The following CCDC88A variants were observed in gnomAD, a reference collection of about 807,000 sequenced individuals.
CCDC88A encodes girdin.
A neutral mutation model predicts 234.3 loss-of-function variants in CCDC88A; 54 were observed. The observed-to-expected ratio is 0.23, with a 90% CI of 0.19 to 0.29. CCDC88A has a LOEUF of 0.29. Among genes scored for constraint, CCDC88A ranks in the 10% least tolerant of loss-of-function variants. CCDC88A has a pLI of 1.00. For missense variants in CCDC88A, 1,832 were observed against 2,123.4 expected (o/e 0.86, Z 2.70); for synonymous variants, 753 against 737.8 (o/e 1.02, Z -0.33).
chr2:55,365,352 G>C (rs1671810871), intron 5 of CCDC88A, among the ~76,000 whole-genome samples: 1 of 152,036 alleles, frequency 6.6e-6, no homozygotes, highest in African/African-American at 2.4e-5. Flanking sequence ...TTCAGGTATA[G>C]TAACATCAAT....
intron 2 of CCDC88A, among the ~76,000 whole-genome samples, chr2:55,402,877 T>C (rs1228210546): frequency 1.3e-5 from 2 of 151,860 alleles, no homozygotes; most frequent in African/African-American, 4.8e-5. Context: ...GGCGTGGTGG[T>C]GGGCACCTGT....
At position 55,328,027 on chromosome 2, in the gene CCDC88A, C is replaced by T. The variant is rs550155384; in HGVS notation, c.2997+267G>A. 6.6e-6 allele frequency among the ~76,000 whole-genome samples: 1 copy of T among 152,182 alleles called. No individual in the cohort carries two copies. Among genetic ancestry groups the T allele is most frequent in the African/African-American group, 2.4e-5 (1 of 41,530 alleles). On this transcript the variant is annotated intron_variant, in intron 17 of 32. Coordinates refer to ENST00000436346, the MANE Select transcript of CCDC88A (RefSeq NM_001365480.1). This position sits in a 1 kb window ranked among gnomAD's most constrained non-coding sequence, Gnocchi z 4.3. ...TGAGAGCTTTTCCCAATAAAATAAG[C>T]CTGCCTCTTCCTCATTCCACCCACA...
chr2:55,378,809 G>A lies in CCDC88A; in HGVS notation c.274-3926C>T, dbSNP rs563775266. ...CACCCAGGCTGGAGTGCAGTGGCAC[G>A]TTCTTGGCTCACTGCAACCTCTGCC... On this transcript the variant is annotated intron_variant, in intron 3 of 32. Transcript: ENST00000436346. 7.4e-5 allele frequency among the ~76,000 whole-genome samples: 11 copies of A among 149,108 alleles called. No homozygotes were observed. The South Asian group carries it at 2.3e-3, about 32-fold the overall frequency.
chr2:55,291,508 C>G (rs148959590), intron 32 of CCDC88A, 168 bp downstream of exon 32: 3 of 396,424 alleles, frequency 7.6e-6, no homozygotes, highest in Non-Finnish European at 1.3e-5. Context: ...AGGTAAAAAC[C>G]TATGGCAGCC....
Position 55,288,250 on chromosome 2 carries a change from T to C in CCDC88A, c.*2950A>G, listed in dbSNP as rs1042422382. 8.5e-5 allele frequency: 13 copies of C among 152,646 alleles called. No individual in the cohort carries two copies. Among genetic ancestry groups the C allele is most frequent in the Non-Finnish European group, 1.5e-4 (10 of 68,030 alleles). 9.5% of individuals were successfully genotyped at this position (152,646 alleles called of 1,614,324 possible). A position where few individuals can be genotyped will look rare whatever the true frequency, so the allele number is the denominator to read the frequency against. ...ATGCATTCCTTTTAAGGCATTTTCA[T>C]TGTCCAAATATCTCAACATGTACAT... On this transcript the variant is annotated 3_prime_UTR_variant, in exon 33 of 33. Coordinates refer to ENST00000436346, the MANE Select transcript of CCDC88A (RefSeq NM_001365480.1).
chr2:55,333,888 C>A (rs1008834177), intron 15 of CCDC88A, among the ~76,000 whole-genome samples: 4 of 151,932 alleles, frequency 2.6e-5, no homozygotes, highest in African/African-American at 7.2e-5. Flanking sequence ...TTTATTACTA[C>A]AAATTCTTTT....
At chr2:55,398,860 G>A (rs1313217517) in intron 2 of CCDC88A, among the ~76,000 whole-genome samples, 2 of 151,252 alleles carry the variant, frequency 1.3e-5, no homozygotes, top group East Asian at 3.9e-4. Context: ...GCAAGACCCT[G>A]CCTAACAAAA....
chr2:55,344,623 G>A (rs1252748270), intron 10 of CCDC88A, 109 bp from the exon 11 acceptor site: 14 of 548,208 alleles, frequency 2.6e-5, no homozygotes, highest in Non-Finnish European at 3.9e-5. Flanking sequence ...TTCTATGCAT[G>A]AGGAAACCTA....
At chr2:55,380,153 T>C (rs1046522832) in intron 3 of CCDC88A, among the ~76,000 whole-genome samples, 9 of 150,890 alleles carry the variant, frequency 6.0e-5, no homozygotes, top group Non-Finnish European at 1.0e-4. Flanking sequence ...CAAGAATCAC[T>C]TGAACTTGGG....
chr2:55,339,336 T>C, intron 13 of CCDC88A, 128 bp downstream of exon 13: 1 of 858,104 alleles, frequency 1.2e-6, no homozygotes, highest in Non-Finnish European at 1.7e-6. Context: ...TTGTGTATAT[T>C]TGAAAATTTT....
At position 55,396,794 on chromosome 2, in the gene CCDC88A, C is replaced by T. The variant is rs558243917; in HGVS notation, c.165-7908G>A. Among the ~76,000 whole-genome samples, 19 of 145,072 alleles carry T rather than the reference C, an allele frequency of 1.3e-4. No homozygotes were observed. The Middle Eastern group carries it at 0.012, about 89-fold the overall frequency. ...CTGAGGCAGGAGAATGGCATGAACC[C>T]GGGAGGCTGAGTTTGCAGTGAGCCG... On this transcript the variant is annotated intron_variant, in intron 2 of 32. Transcript: ENST00000436346.
chr2:55,413,291 G>C (rs960623723), intron 2 of CCDC88A, among the ~76,000 whole-genome samples: 3 of 152,130 alleles, frequency 2.0e-5, no homozygotes, highest in African/African-American at 7.2e-5. Flanking sequence ...ATATAGCATA[G>C]CACAGGATAA....
At chr2:55,325,251 A>C (rs1308470433) in intron 17 of CCDC88A, among the ~76,000 whole-genome samples, 3 of 152,172 alleles carry the variant, frequency 2.0e-5, no homozygotes. Flanking sequence ...TCTAGTACAG[A>C]GTTCTTGCAC....
At chr2:55,318,190 T>C (rs984918942) in intron 19 of CCDC88A, among the ~76,000 whole-genome samples, 2 of 152,148 alleles carry the variant, frequency 1.3e-5, no homozygotes, top group Non-Finnish European at 2.9e-5. Flanking sequence ...TTCTAGAATT[T>C]GGTGATAGAA....
intron 2 of CCDC88A, among the ~76,000 whole-genome samples, chr2:55,406,780 G>C (rs1365789362): frequency 2.6e-5 from 4 of 151,298 alleles, no homozygotes; most frequent in African/African-American, 9.7e-5. Flanking sequence ...AAAAATCAAA[G>C]ACTAGTATCC....
chr2:55,418,486 T>G, intron 2 of CCDC88A: 1 of 282,374 alleles, frequency 3.5e-6, no homozygotes, highest in Non-Finnish European at 6.7e-6. Context: ...TTTTCCTCTC[T>G]TAGGAAACCA....
In CCDC88A at chr2:55,418,805, G is replaced by A. The variant is rs1574556455; in HGVS notation, c.164+11C>T. ...AAGAAAACGTTACCTAGGAAAGAAG[G>A]AAGAACTTACATTTGGAGCATGACC... On this transcript the variant is annotated intron_variant, in intron 2 of 32. Coordinates refer to ENST00000436346, the MANE Select transcript of CCDC88A (RefSeq NM_001365480.1). 1 of 1,596,090 alleles carries A rather than the reference G, an allele frequency of 6.3e-7. No individual in the cohort carries two copies. Among genetic ancestry groups the A allele is most frequent in the South Asian group, 1.1e-5 (1 of 90,730 alleles).
At position 55,374,802 on chromosome 2, in the gene CCDC88A, T is replaced by C; in HGVS notation, c.343+12A>G. 3 of 1,558,716 alleles carry C rather than the reference T, an allele frequency of 1.9e-6. No individual in the cohort carries two copies. The South Asian group carries it at 3.4e-5, about 17-fold the overall frequency. On this transcript the variant is annotated intron_variant, in intron 4 of 32. Transcript: ENST00000436346. ...TTAGACATTACTTTCACAGCTTAAT[T>C]TTAATACTTACCAGAAAAGGGATTT...
Position 55,291,700 on chromosome 2 carries a change from G to C in CCDC88A, c.*11C>G, listed in dbSNP as rs1679466555. ...CCACTTGGCCCACATGTCATGTAGT[G>C]GGTAATAGAATTAGGAGCTTTGTTG... On this transcript the variant is annotated 3_prime_UTR_variant, in exon 32 of 33. Coordinates refer to ENST00000436346, the MANE Select transcript of CCDC88A (RefSeq NM_001365480.1). 1.3e-6 allele frequency: 2 copies of C among 1,581,144 alleles called. No homozygotes were observed. The highest frequency in any genetic ancestry group is 4.5e-5 in the East Asian group (2 of 44,422).
Sources: gnomAD v4.1 joint callset for allele counts (sites outside exome capture counted in the v4.1 genomes callset) on GRCh38, gnomAD v4.1.1 for gene constraint, Gnocchi (gnomAD v3.1) non-coding constraint, MANE v1.5 for transcripts, NCBI Gene and HGNC (gene_info 2026-07-23, HGNC 2026-07-21) for gene names.